OSBPL10: variants seen among roughly 807,000 people sequenced by gnomAD.
OSBPL10 encodes oxysterol-binding protein-related protein 10.
Under a neutral mutation model 81.7 loss-of-function variants are expected in OSBPL10, and 49 were observed. That is an observed-to-expected ratio of 0.60 (90% CI 0.48 to 0.76). The LOEUF is 0.76. Among genes scored for constraint, OSBPL10 ranks in the 30% least tolerant of loss-of-function variants. OSBPL10 has a pLI of 0.00. For missense variants in OSBPL10, 923 were observed against 987.8 expected (o/e 0.93, Z 0.88); for synonymous variants, 419 against 383.6 (o/e 1.09, Z -1.08).
At chr3:31,863,828 CAAT>C (rs1701113279) in intron 3 of OSBPL10, among the ~76,000 whole-genome samples, 3 of 152,038 alleles carry the variant, frequency 2.0e-5, no homozygotes, top group Non-Finnish European at 4.4e-5. Context: ...AAATACAAAA[CAAT>C]AATATTTAGA....
intron 1 of OSBPL10, among the ~76,000 whole-genome samples, chr3:31,933,565 C>G (rs182087230): frequency 3.9e-5 from 6 of 152,086 alleles, no homozygotes; most frequent in Admixed American, 3.9e-4. Flanking sequence ...CCACCACATT[C>G]CCCTGAGTTT....
intron 6 of OSBPL10, among the ~76,000 whole-genome samples, chr3:31,720,854 C>G (rs920930084): frequency 1.4e-5 from 2 of 139,096 alleles, no homozygotes; most frequent in Non-Finnish European, 3.0e-5. Flanking sequence ...TGCACTCCAG[C>G]CTGGGCAACA....
At chr3:31,705,920 G>A (rs980894124) in intron 6 of OSBPL10, among the ~76,000 whole-genome samples, 4 of 152,134 alleles carry the variant, frequency 2.6e-5, no homozygotes, top group African/African-American at 9.7e-5. Context: ...TTAAGCAGAA[G>A]AATCTTCAGA....
At chr3:31,946,579 G>A (rs746089678) in intron 1 of OSBPL10, among the ~76,000 whole-genome samples, 23 of 152,142 alleles carry the variant, frequency 1.5e-4, no homozygotes, top group African/African-American at 1.7e-4. Flanking sequence ...GAGCAATTGC[G>A]GGAGGCACAG....
intron 4 of OSBPL10, among the ~76,000 whole-genome samples, chr3:31,809,736 T>C (rs774858039): frequency 1.2e-4 from 18 of 152,070 alleles, no homozygotes; most frequent in African/African-American, 2.4e-4. Context: ...GAGAAAACCA[T>C]AGACCCAAGT....
chr3:32,012,801 T>C (rs1463646307), intron 2 of OSBPL10, among the ~76,000 whole-genome samples: 2 of 152,118 alleles, frequency 1.3e-5, no homozygotes, highest in African/African-American at 4.8e-5. Context: ...TCCTAGTCTC[T>C]GATAAAACAG....
In OSBPL10 at chr3:31,747,977, C is replaced by T; in HGVS notation, c.873G>A (p.Glu291=). ...CACTCTGCTGTAACAAGTTGAGGCA[C>T]TCCCCAAGGCAGCTGAGGGTGGCAG... ...TSAATLSCLG[E]CLNLLQQSVH... Residue 291 remains glutamate (E), a synonymous_variant, in exon 5 of 12, where the codon GAG becomes GAA. Coordinates refer to ENST00000396556, the MANE Select transcript of OSBPL10 (RefSeq NM_017784.5). 6.2e-7 allele frequency: 1 copy of T among 1,614,154 alleles called. No homozygotes were observed. Among genetic ancestry groups the T allele is most frequent in the Non-Finnish European group, 8.5e-7 (1 of 1,180,038 alleles).
chr3:32,059,021 G>C (rs771694525), intron 1 of OSBPL10, among the ~76,000 whole-genome samples: 1 of 152,164 alleles, frequency 6.6e-6, no homozygotes, highest in Non-Finnish European at 1.5e-5. Context: ...TAGGCTGGCC[G>C]GGTGTGGTGG....
intron 4 of OSBPL10, among the ~76,000 whole-genome samples, chr3:31,798,430 C>CAAA (rs5847719): frequency 1.4e-5 from 2 of 147,446 alleles, no homozygotes; most frequent in East Asian, 2.0e-4. Context: ...AACTCCATCT[C>CAAA]AAAAAAAAAA....
At position 31,879,801 on chromosome 3, in the gene OSBPL10, A is replaced by C. The variant is rs1463182396; in HGVS notation, c.311T>G (p.Ile104Ser). 2 of 1,613,988 alleles carry C rather than the reference A, an allele frequency of 1.2e-6. No individual in the cohort carries two copies. Among genetic ancestry groups the C allele is most frequent in the African/African-American group, 1.3e-5 (1 of 74,934 alleles). Residue 104 changes from isoleucine (I) to serine (S), a missense_variant, in exon 2 of 12, where the codon ATC (isoleucine) becomes AGC (serine). Ile to Ser is a moderately radical substitution (Grantham distance 142, BLOSUM62 -2). This residue lies in a region of OSBPL10 where 514 missense variants were observed against 508.0 expected (regional missense o/e 1.01). Coordinates refer to ENST00000396556, the MANE Select transcript of OSBPL10 (RefSeq NM_017784.5). ...RYFVLDFEAG[I>S]LQYFVNEQSK... ...TTGCTCATTCACAAAATACTGCAGG[A>C]TGCCAGCCTCGAAATCCAGTACGAA...
intron 1 of OSBPL10, among the ~76,000 whole-genome samples, chr3:32,072,709 TCA>T: frequency 6.6e-6 from 1 of 152,166 alleles, no homozygotes; most frequent in Non-Finnish European, 1.5e-5. Context: ...GCTCGGGGAT[TCA>T]CCCTCGCCCA....
At chr3:31,780,141 A>G (rs1698651722) in intron 4 of OSBPL10, among the ~76,000 whole-genome samples, 1 of 151,998 alleles carries the variant, frequency 6.6e-6, no homozygotes, top group South Asian at 2.1e-4. Flanking sequence ...AAATACAAAA[A>G]GATTAGCCGG....
intron 4 of OSBPL10, among the ~76,000 whole-genome samples, chr3:31,815,427 A>G (rs1699813089): frequency 6.6e-6 from 1 of 152,262 alleles, no homozygotes; most frequent in African/African-American, 2.4e-5. Flanking sequence ...TTTAATATAA[A>G]AGTAGAAGCA....
At position 32,071,904 on chromosome 3, in the gene OSBPL10, C is replaced by T. The variant is rs1473920908; in HGVS notation, n.185+5492G>A. On this transcript the variant is annotated intron_variant and non_coding_transcript_variant, in intron 1 of 3. Transcript: ENST00000479173. ...TGCATTTCCCCATATTTCCTTCTTT[C>T]CTGTTCCTCACCCTGATCACACCTG... Among the ~76,000 whole-genome samples the T allele has an allele frequency of 3.9e-5, 6 of 152,162 alleles. No individual in the cohort carries two copies. In the East Asian group the frequency reaches 1.2e-3, roughly 29 times the overall value.
chr3:32,043,760 C>A (rs1377949381), intron 2 of OSBPL10, among the ~76,000 whole-genome samples: 1 of 152,190 alleles, frequency 6.6e-6, no homozygotes, highest in South Asian at 2.1e-4. Flanking sequence ...ATGTTCTTTG[C>A]AGCAGCATGG....
intron 6 of OSBPL10, among the ~76,000 whole-genome samples, chr3:31,706,507 G>C (rs1559425659): frequency 6.6e-6 from 1 of 151,752 alleles, no homozygotes; most frequent in Non-Finnish European, 1.5e-5. Flanking sequence ...CTACAGATGT[G>C]ACTCTGCCCT....
In OSBPL10 at chr3:31,926,289, G is replaced by GCCCCCCCCCC. The variant is rs36122261; in HGVS notation, c.282-46460_282-46459insGGGGGGGGGG. Among the ~76,000 whole-genome samples the GCCCCCCCCCC allele has an allele frequency of 3.9e-4, 51 of 130,170 alleles. 1 individual carries two copies. Among genetic ancestry groups the GCCCCCCCCCC allele is most frequent in the African/African-American group, 1.4e-3 (45 of 32,294 alleles). The allele number at this position is 130,170 out of a possible 152,430, so 85.4% of individuals were successfully genotyped here. A position where few individuals can be genotyped will look rare whatever the true frequency, so the allele number is the denominator to read the frequency against. On this transcript the variant is annotated intron_variant, in intron 1 of 11. Coordinates refer to ENST00000396556, the MANE Select transcript of OSBPL10 (RefSeq NM_017784.5). ...GTGGTTCTCAACCATGGGTGATTTT[G>GCCCCCCCCCC]CCCCCCCAGAGGATAGCTGCAATGT...
intron 1 of OSBPL10, among the ~76,000 whole-genome samples, chr3:31,938,637 T>C (rs1462823263): frequency 6.6e-6 from 1 of 152,108 alleles, no homozygotes; most frequent in Non-Finnish European, 1.5e-5. Flanking sequence ...GCCTACCACG[T>C]AGCTGGGACT....
chr3:31,672,928 T>C (rs898324803), intron 8 of OSBPL10, among the ~76,000 whole-genome samples: 7 of 152,212 alleles, frequency 4.6e-5, no homozygotes, highest in Admixed American at 3.3e-4. Flanking sequence ...GGGAACATAA[T>C]TGAGTACATT....
Sources: gnomAD v4.1 joint callset for allele counts (sites outside exome capture counted in the v4.1 genomes callset) on GRCh38, gnomAD v4.1.1 for gene constraint, gnomAD v4.1.1 regional missense constraint, MANE v1.5 for transcripts, NCBI Gene and HGNC (gene_info 2026-07-23, HGNC 2026-07-21) for gene names.